Variants in WRN observed in about 807,000 individuals in gnomAD.
WRN encodes WRN RecQ like helicase.
Under a neutral mutation model 180.7 loss-of-function variants are expected in WRN, and 149 were observed. The observed-to-expected ratio is 0.82, with a 90% CI of 0.72 to 0.94. The LOEUF (loss-of-function observed/expected upper bound fraction) is 0.94, where lower values mean the gene tolerates loss of function less well. Ranked by LOEUF, WRN falls within the 40% of genes least tolerant of loss-of-function variation. WRN has a pLI of 0.00. For synonymous variants in WRN, 548 were observed against 568.9 expected (o/e 0.96, Z 0.52); for missense variants, 1,661 against 1,700.1 (o/e 0.98, Z 0.40).
In WRN at chr8:31,174,831, C is replaced by T. The variant is rs181421447; in HGVS notation, c.*1729C>T. On this transcript the variant is annotated 3_prime_UTR_variant, in exon 35 of 35. Transcript: ENST00000298139. ...TTCCTTCCTTCCTTCCTCCCTCCCT[C>T]CCTCCCTCCCTCCCTCCCTCCTTTC... is the stretch of plus-strand genomic sequence containing the variant. Among the ~76,000 whole-genome samples the T allele has an allele frequency of 0.028, 1,537 of 54,244 alleles. 12 individuals carry two copies. Among genetic ancestry groups the T allele is most frequent in the Middle Eastern group, 0.053 (6 of 114 alleles). The allele number at this position is 54,244 out of a possible 152,430, so 35.6% of individuals were successfully genotyped here.
chr8:31,111,887 C>A, intron 19 of WRN, 88 bp downstream of exon 19: 2 of 1,451,866 alleles, frequency 1.4e-6, no homozygotes, highest in Admixed American at 3.8e-5. Flanking sequence ...TTACGATTTC[C>A]TTCTAATGCA....
At position 31,136,267 on chromosome 8, in the gene WRN, A is replaced by T. The variant is rs992546391; in HGVS notation, c.2967+3761A>T. ...CTTGGCTTCCCAAGATATTGGCATT[A>T]CAGGCATGAGCCACTGTGCCGGCCT... On this transcript the variant is annotated intron_variant, in intron 24 of 34. Transcript: ENST00000298139. Among the ~76,000 whole-genome samples, 14 of 152,340 alleles carry T rather than the reference A, an allele frequency of 9.2e-5. No homozygotes were observed. The East Asian group carries it at 2.5e-3, about 27-fold the overall frequency.
intron 17 of WRN, among the ~76,000 whole-genome samples, chr8:31,097,928 T>C (rs1425291801): frequency 1.3e-5 from 2 of 152,228 alleles, no homozygotes; most frequent in Non-Finnish European, 1.5e-5. Flanking sequence ...TGTATAATTA[T>C]GTATTCAAAT....
rs540179854 is a variant in WRN, at chr8:31,130,307, A to G, written c.2826-2058A>G. Among the ~76,000 whole-genome samples, 18 of 152,294 alleles carry G rather than the reference A, an allele frequency of 1.2e-4. 1 individual carries two copies. On this transcript the variant is annotated intron_variant, in intron 23 of 34. Coordinates refer to ENST00000298139, the MANE Select transcript of WRN (RefSeq NM_000553.6). ...TAAAGAGATTAGGAGAATAAACCTA[A>G]GCATAGTTTTTTTCCCCCAAACATT...
chr8:31,163,278 A>G (rs1585544982), intron 33 of WRN, among the ~76,000 whole-genome samples: 1 of 152,226 alleles, frequency 6.6e-6, no homozygotes, highest in South Asian at 2.1e-4. Context: ...TTATTTGCCT[A>G]TGGTAAAGAA....
chr8:31,137,610 C>G (rs1445728769), intron 24 of WRN, among the ~76,000 whole-genome samples: 1 of 152,034 alleles, frequency 6.6e-6, no homozygotes, highest in Non-Finnish European at 1.5e-5. Context: ...CAGGCTCTGT[C>G]CTGGTTATGG....
chr8:31,097,642 G>C (rs1043906219), intron 17 of WRN, among the ~76,000 whole-genome samples: 2 of 152,268 alleles, frequency 1.3e-5, no homozygotes, highest in Admixed American at 1.3e-4. Context: ...GGCCGAGCCT[G>C]GTGGTGCATG....
intron 16 of WRN, among the ~76,000 whole-genome samples, chr8:31,094,348 C>CTT (rs780787702): frequency 2.9e-5 from 4 of 140,304 alleles, no homozygotes; most frequent in South Asian, 2.3e-4. Flanking sequence ...TCTTTTCTTT[C>CTT]TTTTTTTTTT....
intron 23 of WRN, among the ~76,000 whole-genome samples, chr8:31,129,588 T>G (rs1802063852): frequency 1.4e-5 from 2 of 145,468 alleles, no homozygotes; most frequent in Admixed American, 1.3e-4. Flanking sequence ...AAATAACACT[T>G]AAATAATTCA....
chr8:31,148,342 C>G (rs1469279471), intron 30 of WRN, among the ~76,000 whole-genome samples: 1 of 152,204 alleles, frequency 6.6e-6, no homozygotes, highest in Admixed American at 6.5e-5. Context: ...CCTTCATTCT[C>G]TCTCTCTGTT....
intron 7 of WRN, among the ~76,000 whole-genome samples, chr8:31,068,901 G>A (rs1185337021): frequency 6.6e-6 from 1 of 152,198 alleles, no homozygotes; most frequent in African/African-American, 2.4e-5. Context: ...AAGCCAGTGA[G>A]AGCAGAAGGA....
At chr8:31,158,418 CAG>C (rs1385343622) in intron 33 of WRN, among the ~76,000 whole-genome samples, 1 of 150,422 alleles carries the variant, frequency 6.6e-6, no homozygotes, top group African/African-American at 2.5e-5. Context: ...TTTTTTTTAA[CAG>C]AAGTAAATAG....
chr8:31,082,928 A>AAT (rs1813376641), intron 9 of WRN, among the ~76,000 whole-genome samples: 1 of 152,196 alleles, frequency 6.6e-6, no homozygotes, highest in African/African-American at 2.4e-5. Context: ...ATAAGAAGTA[A>AAT]AAGAACTTTT....
chr8:31,036,669 G>T (rs1811463417), intron 1 of WRN, among the ~76,000 whole-genome samples: 1 of 151,942 alleles, frequency 6.6e-6, no homozygotes, highest in East Asian at 1.9e-4. Context: ...TGTCTATTCA[G>T]GTCTTTTGCT....
intron 32 of WRN, 63 bp downstream of exon 32, chr8:31,154,818 C>A: frequency 6.3e-7 from 1 of 1,594,350 alleles, no homozygotes; most frequent in South Asian, 1.1e-5. Context: ...GTTTTATCAG[C>A]TTTTTAGTAT....
chr8:31,042,973 A>T (rs1811714893), intron 1 of WRN, among the ~76,000 whole-genome samples: 1 of 152,224 alleles, frequency 6.6e-6, no homozygotes, highest in Admixed American at 6.5e-5. Flanking sequence ...TAATTATCCC[A>T]TCCTGTCAAC....
chr8:31,086,890 G>A (rs1010390314), intron 11 of WRN, among the ~76,000 whole-genome samples: 7 of 152,054 alleles, frequency 4.6e-5, no homozygotes, highest in African/African-American at 1.4e-4. Flanking sequence ...ACTTGTGGAC[G>A]TCTACAAACG....
rs141849426 is a variant in WRN at position 31,142,236 on chromosome 8, C to T, written c.3234-390C>T. On this transcript the variant is annotated intron_variant, in intron 26 of 34. Coordinates refer to ENST00000298139, the MANE Select transcript of WRN (RefSeq NM_000553.6). Reference sequence around the variant, plus strand: ...TACTGGGATTACAGGCATGATCCACCGCTCCCAGCCAGAACATTTTCTTGG... The same window carrying T: ...TACTGGGATTACAGGCATGATCCACTGCTCCCAGCCAGAACATTTTCTTGG... Among the ~76,000 whole-genome samples, 410 of 152,226 alleles carry T rather than the reference C, an allele frequency of 2.7e-3. 2 individuals carry two copies. Among genetic ancestry groups the T allele is most frequent in the African/African-American group, 9.0e-3 (374 of 41,536 alleles).
Position 31,040,040 on chromosome 8 carries a change from G to A in WRN, c.-77+6067G>A, listed in dbSNP as rs556659932. ...CATTGTAGCAGCGGAAGTGGTGAGA[G>A]GAGGTCGAATTTTGGCTTTGTTTTG... On this transcript the variant is annotated intron_variant, in intron 1 of 34. Transcript: ENST00000298139. 2.6e-5 allele frequency among the ~76,000 whole-genome samples: 4 copies of A among 152,292 alleles called. No individual in the cohort carries two copies. In the South Asian group the frequency reaches 6.2e-4, roughly 24 times the overall value.
Sources: gnomAD v4.1 joint callset for allele counts (sites outside exome capture counted in the v4.1 genomes callset) on GRCh38, gnomAD v4.1.1 for gene constraint, MANE v1.5 for transcripts, NCBI Gene and HGNC (gene_info 2026-07-23, HGNC 2026-07-21) for gene names.